Variants in DGKI observed in about 807,000 individuals in gnomAD.
DGKI encodes DAG kinase iota.
DGKI carries 55 observed loss-of-function variants against 147.5 expected under a neutral mutation model. That is an observed-to-expected ratio of 0.37 (90% CI 0.30 to 0.47). The LOEUF (loss-of-function observed/expected upper bound fraction) is 0.47, where lower values mean the gene tolerates loss of function less well. Ranked by LOEUF, DGKI falls within the 20% of genes least tolerant of loss-of-function variation. The probability of loss-of-function intolerance (pLI) is 1.00; values close to 1 mark genes in which losing one functional copy is unlikely to be tolerated. For synonymous variants in DGKI, 469 were observed against 477.1 expected (o/e 0.98, Z 0.22); for missense variants, 1,007 against 1,323.8 (o/e 0.76, Z 3.71).
intron 1 of DGKI, among the ~76,000 whole-genome samples, chr7:137,693,471 A>C (rs929496845): frequency 6.6e-6 from 1 of 152,260 alleles, no homozygotes; most frequent in African/African-American, 2.4e-5. Flanking sequence ...TCAATAATAC[A>C]ACATCACAGT....
At chr7:137,699,531 T>C (rs1327613846) in intron 1 of DGKI, among the ~76,000 whole-genome samples, 2 of 152,232 alleles carry the variant, frequency 1.3e-5, no homozygotes. Context: ...CTGAATTTTA[T>C]ATCCAGGTCA....
At chr7:137,511,941 G>A (rs367669635) in intron 21 of DGKI, among the ~76,000 whole-genome samples, 1 of 152,162 alleles carries the variant, frequency 6.6e-6, no homozygotes, top group African/African-American at 2.4e-5. Flanking sequence ...CAGGTCCAAA[G>A]GTCCCTGTGG....
At chr7:137,729,566 A>G (rs1943403328) in intron 1 of DGKI, among the ~76,000 whole-genome samples, 1 of 152,120 alleles carries the variant, frequency 6.6e-6, no homozygotes, top group Non-Finnish European at 1.5e-5. Flanking sequence ...TTTTTCAATA[A>G]AATTCCTACT....
chr7:137,526,531 C>A (rs1457916381), intron 20 of DGKI, among the ~76,000 whole-genome samples: 1 of 152,004 alleles, frequency 6.6e-6, no homozygotes, highest in East Asian at 1.9e-4. Flanking sequence ...TTCTCAAGAA[C>A]CATAATAAGA....
chr7:137,449,953 T>TA (rs1166138929), intron 27 of DGKI, among the ~76,000 whole-genome samples: 2 of 151,518 alleles, frequency 1.3e-5, no homozygotes, highest in Non-Finnish European at 2.9e-5. Context: ...TAGTCAGCCA[T>TA]AAAAAAAAGG....
At chr7:137,605,980 A>G (rs1257043460) in intron 10 of DGKI, among the ~76,000 whole-genome samples, 2 of 152,358 alleles carry the variant, frequency 1.3e-5, no homozygotes, top group East Asian at 3.9e-4. Flanking sequence ...ACACAAAGAA[A>G]TGATAAATGT....
intron 27 of DGKI, among the ~76,000 whole-genome samples, chr7:137,459,055 C>T (rs1814316822): frequency 6.6e-6 from 1 of 152,152 alleles, no homozygotes; most frequent in African/African-American, 2.4e-5. Flanking sequence ...ACAGTCTTTC[C>T]TATAGGATCT....
intron 1 of DGKI, among the ~76,000 whole-genome samples, chr7:137,724,498 G>C (rs1376746426): frequency 6.6e-6 from 1 of 152,180 alleles, no homozygotes. Context: ...TAACTGTGCT[G>C]GTGGTAAGAA....
At chr7:137,553,635 A>G (rs1344959324) in intron 19 of DGKI, among the ~76,000 whole-genome samples, 2 of 152,228 alleles carry the variant, frequency 1.3e-5, no homozygotes, top group East Asian at 3.8e-4. Flanking sequence ...ACATACATAG[A>G]GCACACAAAT....
At chr7:137,757,042 C>T (rs1036652966) in intron 1 of DGKI, among the ~76,000 whole-genome samples, 1 of 152,060 alleles carries the variant, frequency 6.6e-6, no homozygotes, top group African/African-American at 2.4e-5. Flanking sequence ...TGGAATTTCT[C>T]AGTAAACATT....
At chr7:137,610,685 G>A (rs1820334413) in intron 8 of DGKI, among the ~76,000 whole-genome samples, 1 of 152,276 alleles carries the variant, frequency 6.6e-6, no homozygotes, top group East Asian at 1.9e-4. Context: ...TTGTCAAACA[G>A]CCTCAAGAAA....
At chr7:137,459,785 T>C (rs1344631369) in intron 27 of DGKI, among the ~76,000 whole-genome samples, 1 of 152,116 alleles carries the variant, frequency 6.6e-6, no homozygotes, top group East Asian at 1.9e-4. Context: ...AAAATTTTAT[T>C]TTCTGTTCAT....
chr7:137,787,449 CA>C (rs1156519867), intron 1 of DGKI, among the ~76,000 whole-genome samples: 1 of 151,928 alleles, frequency 6.6e-6, no homozygotes, highest in Non-Finnish European at 1.5e-5. Context: ...TGCCCATAAG[CA>C]AAAAACCATA....
intron 1 of DGKI, among the ~76,000 whole-genome samples, chr7:137,724,131 C>A (rs1412162369): frequency 6.6e-6 from 1 of 152,016 alleles, no homozygotes; most frequent in Non-Finnish European, 1.5e-5. Flanking sequence ...ACAAAGGTAA[C>A]TTGAAATGCA....
Position 137,678,546 on chromosome 7 carries a change from C to G in DGKI, c.606+11G>C, listed in dbSNP as rs764831520. On this transcript the variant is annotated intron_variant, in intron 3 of 32. Transcript: ENST00000614521. ...CAGGCCTTCCCCCAGCAAGACGGAGCGCACACTCACTGCAAATCTGACTTG... is the reference window on the plus strand; with the variant it reads ...CAGGCCTTCCCCCAGCAAGACGGAGGGCACACTCACTGCAAATCTGACTTG... 1 of 1,613,374 alleles carries G rather than the reference C, an allele frequency of 6.2e-7. No individual in the cohort carries two copies. Among genetic ancestry groups the G allele is most frequent in the Non-Finnish European group, 8.5e-7 (1 of 1,179,332 alleles).
At chr7:137,550,756 G>A (rs1229652923) in intron 20 of DGKI, among the ~76,000 whole-genome samples, 1 of 152,202 alleles carries the variant, frequency 6.6e-6, no homozygotes, top group African/African-American at 2.4e-5. Context: ...GTCTAAGACT[G>A]TGAGTTCTCT....
At position 137,510,384 on chromosome 7, in the gene DGKI, C is replaced by G. The variant is rs376353021; in HGVS notation, c.2248+11482G>C. Among the ~76,000 whole-genome samples the G allele has an allele frequency of 5.3e-5, 8 of 152,304 alleles. No individual in the cohort carries two copies. In the East Asian group the frequency reaches 1.3e-3, roughly 26 times the overall value. On this transcript the variant is annotated intron_variant, in intron 21 of 32. Coordinates refer to ENST00000614521, the MANE Select transcript of DGKI (RefSeq NM_001321708.2). ...TAAGCTTTTAACTGTGAGGTCCTAG[C>G]ATGCCCTTGACAATGGAAATGAATA...
chr7:137,490,040 T>C (rs1815707362), intron 21 of DGKI, among the ~76,000 whole-genome samples: 1 of 152,216 alleles, frequency 6.6e-6, no homozygotes, highest in African/African-American at 2.4e-5. Flanking sequence ...CTTTGCCTGT[T>C]CTTCAAGGAG....
At chr7:137,544,652 G>T (rs1388646021) in intron 20 of DGKI, among the ~76,000 whole-genome samples, 4 of 152,096 alleles carry the variant, frequency 2.6e-5, no homozygotes, top group African/African-American at 9.7e-5. Context: ...TAGATATTGT[G>T]CAATTCTATT....
Sources: allele counts gnomAD v4.1 joint callset (sites outside exome capture counted in the v4.1 genomes callset), GRCh38; gene constraint gnomAD v4.1.1; transcripts MANE v1.5; gene names NCBI Gene and HGNC (gene_info 2026-07-23, HGNC 2026-07-21).